Variants in MYO18B observed in about 807,000 individuals in gnomAD.
The protein encoded by MYO18B is unconventional myosin-XVIIIb.
In MYO18B, 204 loss-of-function variants were observed where a neutral mutation model predicts 273.0. The ratio of observed to expected loss-of-function variants is 0.75; its 90% CI spans 0.67 to 0.84. The LOEUF (loss-of-function observed/expected upper bound fraction) is 0.84. MYO18B is among the 40% of genes least tolerant of loss of function. The pLI, the probability that MYO18B is intolerant of heterozygous loss-of-function variation, is 0.00. For missense variants in MYO18B, 3,212 were observed against 3,287.6 expected, an observed-to-expected ratio of 0.98 and a Z score of 0.56; for synonymous variants, 1,330 against 1,305.7, an observed-to-expected ratio of 1.02 and a Z score of -0.40.
At chr22:26,018,665 G>A (rs962121839) in intron 42 of MYO18B, among the ~76,000 whole-genome samples, 1 of 152,194 alleles carries the variant, frequency 6.6e-6, no homozygotes, top group African/African-American at 2.4e-5. Context: ...AAGAAAGGCT[G>A]TGCATGGCCA....
chr22:25,898,188 A>T (rs1162092394), intron 28 of MYO18B, 119 bp from the exon 29 acceptor site: 1 of 1,170,318 alleles, frequency 8.5e-7, no homozygotes. Flanking sequence ...GGGTCTCCCC[A>T]TTCCAGCATC....
chr22:25,793,165 G>A (rs1164375785), intron 11 of MYO18B, among the ~76,000 whole-genome samples: 1 of 152,210 alleles, frequency 6.6e-6, no homozygotes, highest in Non-Finnish European at 1.5e-5. Context: ...TGTGCTGGGT[G>A]CTTTACACAC....
Position 26,004,863 on chromosome 22 carries a change from T to C in MYO18B, c.6470+8T>C, listed in dbSNP as rs937528447. The C allele has an allele frequency of 6.2e-7, 1 of 1,613,234 alleles. No individual in the cohort carries two copies. ...CCGCATCCTCAGCCCCAGGTAAGAG[T>C]ATCTCCTTGCTGCCTCTGGATGGCT... On this transcript the variant is annotated splice_region_variant and intron_variant, in intron 42 of 43. Coordinates refer to ENST00000335473, the MANE Select transcript of MYO18B (RefSeq NM_032608.7).
intron 39 of MYO18B, among the ~76,000 whole-genome samples, chr22:25,979,238 C>T (rs1410123729): frequency 6.6e-6 from 1 of 152,034 alleles, no homozygotes; most frequent in Non-Finnish European, 1.5e-5. Flanking sequence ...TGAAATAAGA[C>T]ATGTCAAAGG....
intron 17 of MYO18B, among the ~76,000 whole-genome samples, chr22:25,840,142 T>C (rs1266533719): frequency 6.6e-6 from 1 of 152,178 alleles, no homozygotes; most frequent in Admixed American, 6.5e-5. Flanking sequence ...CTTGTTGCCA[T>C]TCTCCCCACA....
chr22:25,804,233 C>A (rs1297213766), intron 12 of MYO18B, among the ~76,000 whole-genome samples: 2 of 152,110 alleles, frequency 1.3e-5, no homozygotes, highest in Non-Finnish European at 2.9e-5. Flanking sequence ...ACCAGAGTGG[C>A]CCTTTTCACA....
intron 19 of MYO18B, 69 bp from the exon 20 acceptor site, chr22:25,847,361 G>C: frequency 7.2e-7 from 1 of 1,395,326 alleles, no homozygotes; most frequent in South Asian, 1.3e-5. Flanking sequence ...TGAATATTTG[G>C]AGAGGGTCCA....
chr22:25,883,324 G>C lies in MYO18B; in HGVS notation c.4314+5276G>C, dbSNP rs2091401285. 1 of 152,238 alleles carries C rather than the reference G, an allele frequency of 6.6e-6. No homozygotes were observed. The highest frequency in any genetic ancestry group is 2.4e-5 in the African/African-American group (1 of 41,450). The allele number at this position is 152,238 out of a possible 1,614,324, so 9.4% of individuals were successfully genotyped here. A position where few individuals can be genotyped will look rare whatever the true frequency, so the allele number is the denominator to read the frequency against. ...GGGTAGGGAGCCCTCCAGCCCCTAGGCAATCCTGATTCAGAGGGTGAGGTT... is the reference window on the plus strand; with the variant it reads ...GGGTAGGGAGCCCTCCAGCCCCTAGCCAATCCTGATTCAGAGGGTGAGGTT... On this transcript the variant is annotated intron_variant, in intron 25 of 43. Coordinates refer to ENST00000335473, the MANE Select transcript of MYO18B (RefSeq NM_032608.7). This position sits in a 1 kb window ranked among gnomAD's most constrained non-coding sequence, Gnocchi z 7.6.
Position 26,004,862 on chromosome 22 carries a change from G to GT in MYO18B, c.6470+8dup. ...GCCGCATCCTCAGCCCCAGGTAAGA[G>GT]TATCTCCTTGCTGCCTCTGGATGGC... On this transcript the variant is annotated splice_region_variant and intron_variant, in intron 42 of 43. Transcript: ENST00000335473. 6.2e-7 allele frequency: 1 copy of GT among 1,613,342 alleles called. No homozygotes were observed. Among genetic ancestry groups the GT allele is most frequent in the Non-Finnish European group, 8.5e-7 (1 of 1,179,536 alleles).
intron 34 of MYO18B, among the ~76,000 whole-genome samples, chr22:25,942,737 G>A (rs955740510): frequency 6.6e-6 from 1 of 152,256 alleles, no homozygotes; most frequent in Admixed American, 6.5e-5. Context: ...CTTGAACATG[G>A]TCCCCAAGCA....
rs1232747732 is a variant in MYO18B at position 25,952,267 on chromosome 22, A to C, written c.5833-19A>C. On this transcript the variant is annotated intron_variant, in intron 37 of 43. Coordinates refer to ENST00000335473, the MANE Select transcript of MYO18B (RefSeq NM_032608.7). The stretch of plus-strand genomic sequence containing the variant: ...ATCAGGGACAACAGATGTCCAATAG[A>C]CTTCTCTCATACTTACAGCTGCAGG... 3.7e-6 allele frequency: 6 copies of C among 1,605,304 alleles called. No individual in the cohort carries two copies. Among genetic ancestry groups the C allele is most frequent in the East Asian group, 4.5e-5 (2 of 44,696 alleles).
intron 7 of MYO18B, among the ~76,000 whole-genome samples, chr22:25,775,756 C>T (rs1444478472): frequency 6.6e-6 from 1 of 152,142 alleles, no homozygotes; most frequent in Non-Finnish European, 1.5e-5. Flanking sequence ...TGTTCTCACA[C>T]TCTTCCTTGG....
chr22:25,810,020 C>T (rs1601763264), intron 12 of MYO18B, among the ~76,000 whole-genome samples: 1 of 150,386 alleles, frequency 6.6e-6, no homozygotes, highest in African/African-American at 2.4e-5. Flanking sequence ...AAAGGTCTTT[C>T]CTCACACCCC....
chr22:26,050,506 T>C, the MYO18B span, among the ~76,000 whole-genome samples: 3 of 152,084 alleles, frequency 2.0e-5, no homozygotes, highest in African/African-American at 7.2e-5. Flanking sequence ...ACAAAACTAT[T>C]TGAACAGATG....
At position 25,911,467 on chromosome 22, in the gene MYO18B, G is replaced by A. The variant is rs937403297; in HGVS notation, c.5364+417G>A. 4.6e-5 allele frequency among the ~76,000 whole-genome samples: 7 copies of A among 152,176 alleles called. No individual in the cohort carries two copies. In the East Asian group the frequency reaches 1.2e-3, roughly 25 times the overall value. ...CCAGAGGGACCACTTCTGTCTGCAC[G>A]GCTTTGAGTGAGCTAGTTAACAGCT... On this transcript the variant is annotated intron_variant, in intron 33 of 43. Transcript: ENST00000335473.
intron 42 of MYO18B, among the ~76,000 whole-genome samples, chr22:26,009,020 G>A (rs1934670876): frequency 6.6e-6 from 1 of 152,208 alleles, no homozygotes; most frequent in Admixed American, 6.5e-5. Flanking sequence ...CGACCTAGCT[G>A]TAGAGACTGC....
chr22:25,823,443 G>A, intron 12 of MYO18B, 62 bp from the exon 13 acceptor site: 2 of 1,537,744 alleles, frequency 1.3e-6, no homozygotes, highest in South Asian at 2.4e-5. Context: ...GGTCCTCTCG[G>A]GTGTTCATTC....
rs368091174 is a variant in MYO18B, at chr22:25,835,398, G to A, written c.3163G>A (p.Glu1055Lys). Reference protein sequence around the residue: ...VEGSSDSVVLERLCAAFEKKG... With the variant: ...VEGSSDSVVLKRLCAAFEKKG... Reference sequence around the variant, plus strand: ...GGGCTCCAGTGACAGTGTGGTGCTCGAGCGTCTGTGTGCTGCTTTCGAGAA... The same window carrying A: ...GGGCTCCAGTGACAGTGTGGTGCTCAAGCGTCTGTGTGCTGCTTTCGAGAA... The change falls in exon 17 of 44, where the codon GAG (glutamate) becomes AAG (lysine). Residue 1055 changes from glutamate to lysine, a missense_variant. Coordinates refer to ENST00000335473, the MANE Select transcript of MYO18B (RefSeq NM_032608.7). The A allele has an allele frequency of 6.2e-6, 10 of 1,613,954 alleles. No homozygotes were observed. The African/African-American group carries it at 6.7e-5, about 11-fold the overall frequency.
chr22:25,765,352 C>A (rs970135755), intron 3 of MYO18B, among the ~76,000 whole-genome samples: 2 of 152,204 alleles, frequency 1.3e-5, no homozygotes, highest in Non-Finnish European at 2.9e-5. Flanking sequence ...TGTCCCAGCA[C>A]AACTGTTTCA....
Sources: gnomAD v4.1 joint callset for allele counts (sites outside exome capture counted in the v4.1 genomes callset) on GRCh38, gnomAD v4.1.1 for gene constraint, Gnocchi (gnomAD v3.1) non-coding constraint, MANE v1.5 for transcripts, NCBI Gene and HGNC (gene_info 2026-07-23, HGNC 2026-07-21) for gene names.